Variants in HS6ST3 observed in about 807,000 individuals in gnomAD.
The protein encoded by HS6ST3 is heparan-sulfate 6-O-sulfotransferase 3.
A neutral mutation model predicts 36.7 loss-of-function variants in HS6ST3; 12 were observed. The observed-to-expected ratio is 0.33, with a 90% CI of 0.21 to 0.53. The LOEUF is 0.53. Ranked by LOEUF, HS6ST3 falls within the 20% of genes least tolerant of loss-of-function variation. The probability of loss-of-function intolerance (pLI) is 0.95; values close to 1 mark genes in which losing one functional copy is unlikely to be tolerated. For missense variants in HS6ST3, 584 were observed against 640.9 expected (o/e 0.91, Z 0.96); for synonymous variants, 240 against 257.5 (o/e 0.93, Z 0.65).
intron 1 of HS6ST3, among the ~76,000 whole-genome samples, chr13:96,588,191 CT>C (rs151005715): frequency 0.33 from 47,873 of 145,276 alleles, 8,702 homozygotes; most frequent in Non-Finnish European, 0.43. Context: ...GACAATTTAC[CT>C]TTTTTTTTTT....
intron 1 of HS6ST3, among the ~76,000 whole-genome samples, chr13:96,553,241 A>G (rs1279961178): frequency 1.3e-5 from 2 of 152,176 alleles, no homozygotes; most frequent in Admixed American, 1.3e-4. Flanking sequence ...CCATTGCTCA[A>G]TATTCAGCAT....
At chr13:96,635,416 T>A (rs976721023) in intron 1 of HS6ST3, among the ~76,000 whole-genome samples, 48 of 152,104 alleles carry the variant, frequency 3.2e-4, no homozygotes, top group African/African-American at 1.1e-3. Flanking sequence ...CCTTAGCTTA[T>A]GCTGCTCCTC....
chr13:96,600,326 A>G (rs2056416715), intron 1 of HS6ST3, among the ~76,000 whole-genome samples: 1 of 103,954 alleles, frequency 9.6e-6, no homozygotes, highest in African/African-American at 3.4e-5. Context: ...CTCTGGAGTT[A>G]GGTACACACA....
intron 1 of HS6ST3, among the ~76,000 whole-genome samples, chr13:96,378,552 C>T (rs145075268): frequency 7.1e-4 from 108 of 152,240 alleles, no homozygotes; most frequent in Non-Finnish European, 8.5e-4. Context: ...AGTGTTTTTA[C>T]TTTTATGTTC....
At chr13:96,588,309 G>T (rs2056369556) in intron 1 of HS6ST3, among the ~76,000 whole-genome samples, 1 of 151,286 alleles carries the variant, frequency 6.6e-6, no homozygotes, top group South Asian at 2.1e-4. Context: ...GTCTTGCTCT[G>T]AATCTTTGAG....
At chr13:96,689,611 T>C (rs532203997) in intron 1 of HS6ST3, among the ~76,000 whole-genome samples, 30 of 146,284 alleles carry the variant, frequency 2.1e-4, no homozygotes, top group African/African-American at 7.0e-4. Flanking sequence ...TCTTTCTTTT[T>C]TTTTTTTTTT....
chr13:96,794,824 TG>T (rs761201718), intron 1 of HS6ST3, among the ~76,000 whole-genome samples: 10 of 152,192 alleles, frequency 6.6e-5, no homozygotes, highest in Non-Finnish European at 1.2e-4. Flanking sequence ...GAAGTAGAGA[TG>T]GGCTTTCTAA....
At chr13:96,779,165 A>G (rs186881664) in intron 1 of HS6ST3, among the ~76,000 whole-genome samples, 2 of 152,050 alleles carry the variant, frequency 1.3e-5, no homozygotes, top group Non-Finnish European at 2.9e-5. Context: ...ACTGGGGCCT[A>G]TTGATGAGTG....
At chr13:96,391,932 G>A (rs1249670825) in intron 1 of HS6ST3, among the ~76,000 whole-genome samples, 1 of 152,210 alleles carries the variant, frequency 6.6e-6, no homozygotes, top group Non-Finnish European at 1.5e-5. Flanking sequence ...CGAGAGGAAT[G>A]AAGAAAGACT....
In HS6ST3 at chr13:96,416,653, G is replaced by A. The variant is rs918414629; in HGVS notation, c.707+325084G>A. ...GAATCCTTCTTTAGAACTGTAAACT[G>A]TAAGTGTATTTTTTTTTTTTTTTGA... On this transcript the variant is annotated intron_variant, in intron 1 of 1. Coordinates refer to ENST00000376705, the MANE Select transcript of HS6ST3 (RefSeq NM_153456.4). Among the ~76,000 whole-genome samples the A allele has an allele frequency of 2.6e-5, 3 of 117,342 alleles. No individual in the cohort carries two copies. In the Admixed American group the frequency reaches 2.7e-4, roughly 11 times the overall value. The allele number at this position is 117,342 out of a possible 152,430, so 77.0% of individuals were successfully genotyped here. A position where few individuals can be genotyped will look rare whatever the true frequency, so the allele number is the denominator to read the frequency against.
chr13:96,379,435 G>C (rs9556580), intron 1 of HS6ST3, among the ~76,000 whole-genome samples: 16,862 of 152,140 alleles, frequency 0.11, 1,062 homozygotes, highest in Middle Eastern at 0.18. Context: ...TATGAACCAG[G>C]AAGCAGGTCC....
chr13:96,115,334 A>C (rs1197604870), intron 1 of HS6ST3, among the ~76,000 whole-genome samples: 2 of 152,166 alleles, frequency 1.3e-5, no homozygotes, highest in East Asian at 3.8e-4. Context: ...GGTTTGTTAC[A>C]TAGGTGTACG....
intron 1 of HS6ST3, among the ~76,000 whole-genome samples, chr13:96,660,082 C>A (rs768701460): frequency 5.9e-5 from 9 of 151,978 alleles, no homozygotes; most frequent in Non-Finnish European, 1.0e-4. Flanking sequence ...AATCATAATG[C>A]ACCCTCATTT....
intron 1 of HS6ST3, among the ~76,000 whole-genome samples, chr13:96,743,282 A>G (rs558290450): frequency 2.0e-5 from 3 of 152,224 alleles, no homozygotes; most frequent in Non-Finnish European, 2.9e-5. Context: ...AAGTCATTCA[A>G]TGTGGAAAAT....
chr13:96,669,514 C>T (rs2056676249), intron 1 of HS6ST3, among the ~76,000 whole-genome samples: 1 of 152,128 alleles, frequency 6.6e-6, no homozygotes, highest in Admixed American at 6.5e-5. Flanking sequence ...AGGAAGGCTT[C>T]CTTTAAGTCT....
intron 1 of HS6ST3, among the ~76,000 whole-genome samples, chr13:96,685,824 A>C (rs144386168): frequency 2.6e-5 from 4 of 152,038 alleles, no homozygotes; most frequent in African/African-American, 9.7e-5. Context: ...CAAGGAGCCA[A>C]GAAATGTGAT....
At chr13:96,603,667 G>C (rs1594816448) in intron 1 of HS6ST3, among the ~76,000 whole-genome samples, 1 of 152,158 alleles carries the variant, frequency 6.6e-6, no homozygotes, top group Non-Finnish European at 1.5e-5. Context: ...GATTCAGTTG[G>C]CTTGCATGAG....
At chr13:96,267,690 T>A (rs2054699055) in intron 1 of HS6ST3, among the ~76,000 whole-genome samples, 1 of 152,040 alleles carries the variant, frequency 6.6e-6, no homozygotes, top group Non-Finnish European at 1.5e-5. Context: ...TGTCTGAGGC[T>A]GATTTTATAA....
Position 96,810,313 on chromosome 13 carries a change from G to A in HS6ST3, c.708-22177G>A, listed in dbSNP as rs555405682. On this transcript the variant is annotated intron_variant, in intron 1 of 1. Transcript: ENST00000376705. ...CTTATCTTTCCTTCAGAAAGGGAGG[G>A]AGATGAAGGGGTAGAAGAGAGAAGA... 7.2e-5 allele frequency among the ~76,000 whole-genome samples: 11 copies of A among 152,282 alleles called. No homozygotes were observed. The South Asian group carries it at 1.2e-3, about 17-fold the overall frequency.
Sources: gnomAD v4.1 joint callset for allele counts (sites outside exome capture counted in the v4.1 genomes callset) on GRCh38, gnomAD v4.1.1 for gene constraint, MANE v1.5 for transcripts, NCBI Gene and HGNC (gene_info 2026-07-23, HGNC 2026-07-21) for gene names.